Variants in RBBP8 observed in about 807,000 individuals in gnomAD.
RBBP8 encodes RB binding protein 8, endonuclease.
Under a neutral mutation model 108.3 loss-of-function variants are expected in RBBP8, and 88 were observed. The ratio of observed to expected loss-of-function variants is 0.81; its 90% confidence interval spans 0.68 to 0.97. The LOEUF (loss-of-function observed/expected upper bound fraction) is 0.97. RBBP8 is among the 50% of genes least tolerant of loss of function. The probability of loss-of-function intolerance (pLI) is 0.00; values close to 1 mark genes in which losing one functional copy is unlikely to be tolerated. For missense variants in RBBP8, 1,023 were observed against 1,049.0 expected, an observed-to-expected ratio of 0.98 and a Z score of 0.34; for synonymous variants, 332 against 348.2, an observed-to-expected ratio of 0.95 and a Z score of 0.52.
intron 6 of RBBP8, among the ~76,000 whole-genome samples, chr18:22,980,713 G>GTT (rs1567974999): frequency 2.0e-5 from 3 of 150,572 alleles, no homozygotes; most frequent in Admixed American, 6.6e-5. Flanking sequence ...GTCTTTTTGG[G>GTT]GTTTTTTTTT....
intron 6 of RBBP8, 96 bp from the exon 7 acceptor site, chr18:22,982,122 A>G: frequency 7.3e-7 from 1 of 1,362,874 alleles, no homozygotes; most frequent in Non-Finnish European, 1.0e-6. Context: ...CATCCCTTAG[A>G]GCTTCATGTT....
intron 2 of RBBP8, chr18:22,916,905 G>C (rs1000230001): frequency 1.3e-5 from 2 of 151,978 alleles, no homozygotes; most frequent in East Asian, 3.8e-4. Flanking sequence ...TTTAGGATTT[G>C]CCTAAGTTAA....
intron 14 of RBBP8, among the ~76,000 whole-genome samples, chr18:23,001,134 TACTC>T (rs755159221): frequency 3.3e-5 from 5 of 152,248 alleles, no homozygotes; most frequent in Admixed American, 2.6e-4. Context: ...TATAGTTTGT[TACTC>T]ACTTATATTC....
intron 4 of RBBP8, among the ~76,000 whole-genome samples, chr18:22,951,756 C>G (rs912262193): frequency 2.6e-5 from 4 of 152,200 alleles, no homozygotes; most frequent in African/African-American, 9.7e-5. Context: ...ACAACCCCCT[C>G]CTCGGGTTAT....
chr18:22,916,709 A>G (rs1248314438), intron 2 of RBBP8, among the ~76,000 whole-genome samples: 1 of 152,072 alleles, frequency 6.6e-6, no homozygotes, highest in Non-Finnish European at 1.5e-5. Context: ...TCAAACCCCA[A>G]TCTCTTAATG....
At position 22,936,959 on chromosome 18, in the gene RBBP8, A is replaced by T; in HGVS notation, c.108A>T (p.Gln36His). 6.2e-7 allele frequency: 1 copy of T among 1,613,968 alleles called. No homozygotes were observed. Among genetic ancestry groups the T allele is most frequent in the Non-Finnish European group, 8.5e-7 (1 of 1,179,980 alleles). ...KLKECHDREV[Q>H]GLQVKVTKLK... ...AAGAATGTCATGATAGAGAAGTACA[A>T]GGTAAAATCTTTTCTTAAATACTTA... The change falls in exon 2 of 19, where the codon CAA becomes CAT. Residue 36 changes from glutamine to histidine, a missense_variant and splice_region_variant. By Grantham distance (24) the Gln-to-His change is conservative. Transcript: ENST00000327155.
chr18:23,004,056 CAAAAAAAAAAAAAAAA>C (rs34653966), intron 15 of RBBP8, among the ~76,000 whole-genome samples: 1 of 69,656 alleles, frequency 1.4e-5, no homozygotes, highest in Admixed American at 2.1e-4. Context: ...GACCCCGTCT[CAAAAAAAAAAAAAAAA>C]AAAAAAAAAA....
At position 23,016,892 on chromosome 18, in the gene RBBP8, C is replaced by T. The variant is rs528519566; in HGVS notation, c.2422C>T (p.Leu808=). Reference sequence around the variant, plus strand: ...TCGGAAAAAAGAGGAGAGAAGAAAACTGCTTGGGCACACGTGTAAGGAATG... The same window carrying T: ...TCGGAAAAAAGAGGAGAGAAGAAAATTGCTTGGGCACACGTGTAAGGAATG... ...VVRKKEERRK[L]LGHTCKECEI... is the part of the protein sequence containing the mutation. Residue 808 remains leucine (L), a synonymous_variant, in exon 17 of 19, where the codon CTG becomes TTG. Transcript: ENST00000327155. 2.5e-6 allele frequency: 4 copies of T among 1,613,774 alleles called. No homozygotes were observed. In the South Asian group the frequency reaches 4.4e-5, roughly 18 times the overall value.
chr18:23,000,939 T>G (rs2045936471), intron 14 of RBBP8, among the ~76,000 whole-genome samples: 1 of 152,190 alleles, frequency 6.6e-6, no homozygotes, highest in Non-Finnish European at 1.5e-5. Context: ...TGCTACTCAC[T>G]GAGAGTAACT....
chr18:22,992,289 AG>A (rs1199366377), intron 10 of RBBP8, among the ~76,000 whole-genome samples: 2 of 152,164 alleles, frequency 1.3e-5, no homozygotes, highest in Non-Finnish European at 2.9e-5. Context: ...TCCACCTCCC[AG>A]GTTCAAGTGA....
At chr18:23,009,525 T>TA (rs2046119281) in intron 16 of RBBP8, among the ~76,000 whole-genome samples, 1 of 148,190 alleles carries the variant, frequency 6.7e-6, no homozygotes, top group Non-Finnish European at 1.5e-5. Flanking sequence ...ATAATGTATT[T>TA]TATATATATA....
intron 16 of RBBP8, among the ~76,000 whole-genome samples, chr18:23,013,339 G>A (rs115357219): frequency 0.012 from 1,856 of 152,248 alleles, 43 homozygotes; most frequent in African/African-American, 0.042. Context: ...GGTTGGGGAT[G>A]AAATTATAGG....
Position 23,016,837 on chromosome 18 carries a change from C to T in RBBP8, c.2367C>T (p.Ser789=), listed in dbSNP as rs1414222233. 4 of 1,612,532 alleles carry T rather than the reference C, an allele frequency of 2.5e-6. No homozygotes were observed. The highest frequency in any genetic ancestry group is 3.4e-6 in the Non-Finnish European group (4 of 1,178,852). ...TTCATTTTTCCCCCAGAGAGACTAG[C>T]TTGCAAAATTTTCCTCATATTGAGG... ...PYFKGDERET[S]LQNFPHIEVV... is the part of the protein sequence containing the mutation. The change falls in exon 17 of 19, where the codon AGC becomes AGT. Residue 789 remains serine, a synonymous_variant. Coordinates refer to ENST00000327155, the MANE Select transcript of RBBP8 (RefSeq NM_002894.3).
At chr18:22,926,402 G>A (rs991917941) in intron 3 of RBBP8, among the ~76,000 whole-genome samples, 1 of 152,164 alleles carries the variant, frequency 6.6e-6, no homozygotes, top group African/African-American at 2.4e-5. Context: ...CAGCATGGGG[G>A]ATAAGAGCAA....
At position 23,016,310 on chromosome 18, in the gene RBBP8, T is replaced by C. The variant is rs192033966; in HGVS notation, c.2358-518T>C. 6.8e-3 allele frequency among the ~76,000 whole-genome samples: 1,033 copies of C among 152,222 alleles called. 15 individuals carry two copies. Among genetic ancestry groups the C allele is most frequent in the African/African-American group, 0.023 (972 of 41,538 alleles). On this transcript the variant is annotated intron_variant, in intron 16 of 18. Transcript: ENST00000327155. ...CTGTAATCCTAGCACTTTGGGAGGC[T>C]GAGGCGGGCAGATCACCTGAGGTTA... is the stretch of plus-strand genomic sequence containing the variant.
At chr18:23,007,553 A>C (rs2046075930) in intron 16 of RBBP8, among the ~76,000 whole-genome samples, 1 of 151,190 alleles carries the variant, frequency 6.6e-6, no homozygotes, top group African/African-American at 2.4e-5. Flanking sequence ...AAATACAAAA[A>C]ATTAGCCAGG....
chr18:23,005,896 AG>A (rs2046034677), intron 15 of RBBP8, among the ~76,000 whole-genome samples: 1 of 151,914 alleles, frequency 6.6e-6, no homozygotes, highest in South Asian at 2.1e-4. Flanking sequence ...AGAAAAAAGT[AG>A]TTGCAGAGGC....
At chr18:22,921,440 A>G (rs970512425) in intron 3 of RBBP8, among the ~76,000 whole-genome samples, 1 of 152,202 alleles carries the variant, frequency 6.6e-6, no homozygotes, top group Non-Finnish European at 1.5e-5. Flanking sequence ...TATTGGCTTC[A>G]GAGAAGCTCC....
chr18:22,975,332 A>T (rs550392662), intron 6 of RBBP8, 113 bp downstream of exon 6: 1 of 1,425,846 alleles, frequency 7.0e-7, no homozygotes, highest in African/African-American at 1.4e-5. Flanking sequence ...TTCTGTAGTT[A>T]AAAAATACAA....
Sources: gnomAD v4.1 joint callset for allele counts (sites outside exome capture counted in the v4.1 genomes callset) on GRCh38, gnomAD v4.1.1 for gene constraint, MANE v1.5 for transcripts, NCBI Gene and HGNC (gene_info 2026-07-23, HGNC 2026-07-21) for gene names.